ANKFN1: variants seen among roughly 807,000 people sequenced by gnomAD.
ANKFN1 encodes ankyrin repeat and fibronectin type III domain containing 1.
A neutral mutation model predicts 108.7 loss-of-function variants in ANKFN1; 74 were observed. The observed-to-expected ratio is 0.68, with a 90% CI of 0.56 to 0.83. The LOEUF (loss-of-function observed/expected upper bound fraction) is 0.83, where lower values mean the gene tolerates loss of function less well. Ranked by LOEUF, ANKFN1 falls within the 40% of genes least tolerant of loss-of-function variation. ANKFN1 has a pLI of 0.00. For missense variants in ANKFN1, 1,505 were observed against 1,382.3 expected (o/e 1.09, Z -1.41); for synonymous variants, 547 against 516.2 (o/e 1.06, Z -0.81).
chr17:56,362,097 A>G (rs1198050088), intron 6 of ANKFN1, among the ~76,000 whole-genome samples: 1 of 152,172 alleles, frequency 6.6e-6, no homozygotes, highest in Non-Finnish European at 1.5e-5. Flanking sequence ...CTTATTACCC[A>G]TATAAGATTA....
At chr17:56,384,557 T>A (rs980478503) in intron 8 of ANKFN1, among the ~76,000 whole-genome samples, 1 of 152,224 alleles carries the variant, frequency 6.6e-6, no homozygotes, top group Admixed American at 6.5e-5. Context: ...GCAGATGACA[T>A]GACTGCATAT....
chr17:56,160,265 A>G (rs1228629505), intron 1 of ANKFN1, among the ~76,000 whole-genome samples: 1 of 152,218 alleles, frequency 6.6e-6, no homozygotes, highest in African/African-American at 2.4e-5. Context: ...TAAAAAATGA[A>G]CCCTCCCCTA....
chr17:56,339,032 T>A (rs2045892348), intron 4 of ANKFN1, among the ~76,000 whole-genome samples: 1 of 152,122 alleles, frequency 6.6e-6, no homozygotes. Context: ...ACAAGGAATG[T>A]CTTTCTATTT....
At position 56,508,529 on chromosome 17, in the gene ANKFN1, CTT is replaced by C. The variant is rs372664888; in HGVS notation, c.2645-1942_2645-1941del. On this transcript the variant is annotated intron_variant, in intron 20 of 20. Transcript: ENST00000682825. ...ACTACTTGTGCTCTTTCTTTATCCT[CTT>C]TGTTTCTAATCCTCTTATCGTTTGT... 1.7e-4 allele frequency among the ~76,000 whole-genome samples: 26 copies of C among 152,298 alleles called. 1 individual carries two copies. Among genetic ancestry groups the C allele is most frequent in the Middle Eastern group, 6.8e-3 (2 of 294 alleles).
At chr17:56,128,308 C>T (rs754456795) in intron 4 of ANKFN1, among the ~76,000 whole-genome samples, 20 of 151,100 alleles carry the variant, frequency 1.3e-4, no homozygotes, top group South Asian at 2.1e-4. Flanking sequence ...AATGGAAAGA[C>T]GGGATTCTTT....
At chr17:56,334,165 A>G (rs2045742661) in intron 4 of ANKFN1, among the ~76,000 whole-genome samples, 1 of 152,152 alleles carries the variant, frequency 6.6e-6, no homozygotes, top group African/African-American at 2.4e-5. Context: ...AAGAGTATAG[A>G]TGGATCTCAA....
At chr17:56,115,654 T>C (rs945200723) in intron 4 of ANKFN1, among the ~76,000 whole-genome samples, 4 of 152,124 alleles carry the variant, frequency 2.6e-5, no homozygotes, top group African/African-American at 4.8e-5. Context: ...ATCTGAAGAC[T>C]CATTCTCCCC....
At chr17:56,278,302 ACC>A (rs2043986283) in intron 3 of ANKFN1, among the ~76,000 whole-genome samples, 1 of 151,590 alleles carries the variant, frequency 6.6e-6, no homozygotes, top group Non-Finnish European at 1.5e-5. Context: ...GCTGCCACAC[ACC>A]CTCCCTCAGT....
At chr17:56,103,636 C>T (rs916202398) in intron 4 of ANKFN1, among the ~76,000 whole-genome samples, 1 of 152,118 alleles carries the variant, frequency 6.6e-6, no homozygotes, top group Non-Finnish European at 1.5e-5. Context: ...AAAGAGAATT[C>T]AGTTTCATTC....
chr17:56,336,202 T>G (rs1469521007), intron 4 of ANKFN1, among the ~76,000 whole-genome samples: 1 of 152,176 alleles, frequency 6.6e-6, no homozygotes, highest in African/African-American at 2.4e-5. Context: ...TCTGCCAGGC[T>G]TTGGTATCAG....
At chr17:56,188,575 GTGTGTGTATATATA>G (rs1438388485) in intron 1 of ANKFN1, among the ~76,000 whole-genome samples, 2 of 88,206 alleles carry the variant, frequency 2.3e-5, no homozygotes, top group South Asian at 6.6e-4. Flanking sequence ...GTGTGTGTGT[GTGTGTGTATATATA>G]TATATATATA....
chr17:56,097,346 G>T (rs113401724), intron 4 of ANKFN1, among the ~76,000 whole-genome samples: 6 of 152,278 alleles, frequency 3.9e-5, no homozygotes, highest in African/African-American at 1.2e-4. Flanking sequence ...TTTACTGCTG[G>T]TTATTCCCCA....
intron 20 of ANKFN1, among the ~76,000 whole-genome samples, chr17:56,507,420 AGCACTGGT>A (rs2051605028): frequency 6.6e-6 from 1 of 152,156 alleles, no homozygotes; most frequent in African/African-American, 2.4e-5. Context: ...CACCAATGCC[AGCACTGGT>A]GCTCACAATT....
At chr17:56,088,568 C>G (rs558925029) in intron 4 of ANKFN1, among the ~76,000 whole-genome samples, 1 of 150,908 alleles carries the variant, frequency 6.6e-6, no homozygotes, top group Non-Finnish European at 1.5e-5. Context: ...CTCCCCATCC[C>G]CCAGTACTGC....
intron 8 of ANKFN1, among the ~76,000 whole-genome samples, chr17:56,385,342 T>C (rs1021872606): frequency 2.6e-5 from 4 of 152,324 alleles, no homozygotes; most frequent in African/African-American, 9.6e-5. Flanking sequence ...AAGACTTAAA[T>C]GTTAGACCTA....
At chr17:56,064,978 G>T (rs80323468) in intron 4 of ANKFN1, among the ~76,000 whole-genome samples, 97 of 152,298 alleles carry the variant, frequency 6.4e-4, no homozygotes, top group African/African-American at 2.3e-3. Flanking sequence ...TCCCCTGCCC[G>T]TGGGACTCTC....
chr17:56,411,050 CTT>C (rs943255727), intron 8 of ANKFN1, among the ~76,000 whole-genome samples: 1 of 152,070 alleles, frequency 6.6e-6, no homozygotes, highest in Non-Finnish European at 1.5e-5. Flanking sequence ...CAAAAAATGA[CTT>C]TGGAATTTTG....
Position 56,055,426 on chromosome 17 carries a change from A to G in ANKFN1, c.288+9101A>G, listed in dbSNP as rs1368069926. 2.6e-5 allele frequency among the ~76,000 whole-genome samples: 3 copies of G among 114,230 alleles called. No individual in the cohort carries two copies. The Admixed American group carries it at 2.7e-4, about 10-fold the overall frequency. The allele number at this position is 114,230 out of a possible 152,430, so 74.9% of individuals were successfully genotyped here. On this transcript the variant is annotated intron_variant, in intron 4 of 12. Coordinates refer to the ANKFN1 transcript ENST00000635860. ...ATTTCATTCTGTTTTGTGGTTGTAT[A>G]TTATCCCATTATGTCTGTGTGTGTG... is the stretch of plus-strand genomic sequence containing the variant.
At chr17:56,213,880 A>G (rs1425897813) in intron 2 of ANKFN1, among the ~76,000 whole-genome samples, 2 of 152,224 alleles carry the variant, frequency 1.3e-5, no homozygotes, top group Admixed American at 1.3e-4. Flanking sequence ...TACTGTGCCC[A>G]GGGAGGCAAA....
Sources: gnomAD v4.1 joint callset for allele counts (sites outside exome capture counted in the v4.1 genomes callset) on GRCh38, gnomAD v4.1.1 for gene constraint, MANE v1.5 for transcripts, NCBI Gene and HGNC (gene_info 2026-07-23, HGNC 2026-07-21) for gene names.